The following CACNA2D3 variants were observed in gnomAD, a reference collection of about 807,000 sequenced individuals.
CACNA2D3 encodes calcium voltage-gated channel auxiliary subunit alpha2delta 3.
Under a neutral mutation model 160.6 loss-of-function variants are expected in CACNA2D3, and 60 were observed. That is an observed-to-expected ratio of 0.37 (90% CI 0.30 to 0.46). CACNA2D3 has a LOEUF of 0.46. CACNA2D3 is among the 20% of genes least tolerant of loss of function. The probability of loss-of-function intolerance (pLI) is 1.00; values close to 1 mark genes in which losing one functional copy is unlikely to be tolerated. For missense variants in CACNA2D3, 1,205 were observed against 1,365.0 expected (o/e 0.88, Z 1.85); for synonymous variants, 558 against 492.9 (o/e 1.13, Z -1.75).
chr3:54,271,486 T>C (rs1435771235), intron 2 of CACNA2D3, among the ~76,000 whole-genome samples: 1 of 152,216 alleles, frequency 6.6e-6, no homozygotes, highest in Non-Finnish European at 1.5e-5. Flanking sequence ...TGATAAATTA[T>C]CATCTTCTTT....
chr3:54,777,727 G>A (rs1470670613), intron 13 of CACNA2D3, among the ~76,000 whole-genome samples: 1 of 152,128 alleles, frequency 6.6e-6, no homozygotes, highest in African/African-American at 2.4e-5. Flanking sequence ...AGGAGCAGTT[G>A]TTTCCATGGA....
At chr3:55,041,946 T>C (rs1448758784) in intron 35 of CACNA2D3, among the ~76,000 whole-genome samples, 2 of 152,134 alleles carry the variant, frequency 1.3e-5, no homozygotes, top group Non-Finnish European at 2.9e-5. Context: ...TTTCTAATTA[T>C]TTTTAAAGAA....
chr3:54,485,150 A>G (rs574600558), intron 4 of CACNA2D3, among the ~76,000 whole-genome samples: 3 of 152,230 alleles, frequency 2.0e-5, no homozygotes, highest in Non-Finnish European at 2.9e-5. Flanking sequence ...CAGCTCACCT[A>G]GGTAGATAAT....
At chr3:54,697,029 CA>C (rs1700678557) in intron 11 of CACNA2D3, among the ~76,000 whole-genome samples, 1 of 152,162 alleles carries the variant, frequency 6.6e-6, no homozygotes, top group African/African-American at 2.4e-5. Flanking sequence ...GTAATCCCAG[CA>C]CTTTGGGAGG....
intron 2 of CACNA2D3, among the ~76,000 whole-genome samples, chr3:54,203,754 C>T (rs909725344): frequency 2.6e-5 from 4 of 152,064 alleles, no homozygotes; most frequent in Non-Finnish European, 4.4e-5. Context: ...GTTCTGCCGA[C>T]GTGCTTCCTC....
intron 35 of CACNA2D3, among the ~76,000 whole-genome samples, chr3:55,041,582 A>G (rs1703961553): frequency 6.6e-6 from 1 of 152,038 alleles, no homozygotes; most frequent in African/African-American, 2.4e-5. Context: ...GTTGCAAATG[A>G]TTTTCTAAAG....
At chr3:54,924,772 G>A (rs755219715) in intron 27 of CACNA2D3, 2 of 1,614,128 alleles carry the variant, frequency 1.2e-6, no homozygotes, top group East Asian at 2.2e-5. Flanking sequence ...TGAACCGCAA[G>A]TATAGTTAGG....
intron 35 of CACNA2D3, among the ~76,000 whole-genome samples, chr3:55,034,920 C>G (rs574915789): frequency 3.0e-4 from 46 of 152,222 alleles, no homozygotes; most frequent in Admixed American, 3.9e-4. Context: ...TGGAACCATT[C>G]TTTATTAAGA....
intron 9 of CACNA2D3, chr3:54,626,504 A>G: frequency 6.2e-7 from 1 of 1,608,136 alleles, no homozygotes; most frequent in Non-Finnish European, 8.5e-7. Context: ...GGCGTCTACA[A>G]CGGCAAGACC....
At chr3:54,730,802 C>T (rs759461132) in intron 11 of CACNA2D3, among the ~76,000 whole-genome samples, 25 of 152,236 alleles carry the variant, frequency 1.6e-4, no homozygotes, top group African/African-American at 4.8e-4. Flanking sequence ...TGTGCCCGCC[C>T]GAAACAGAAT....
intron 17 of CACNA2D3, among the ~76,000 whole-genome samples, chr3:54,870,063 G>A (rs1699490481): frequency 6.6e-6 from 1 of 152,144 alleles, no homozygotes; most frequent in Non-Finnish European, 1.5e-5. Context: ...CCTAGGTAGT[G>A]GTGAGGAGGG....
rs148245325 is a variant in CACNA2D3, at chr3:54,813,625, A to C, written c.1381-3228A>C. On this transcript the variant is annotated intron_variant, in intron 13 of 37. Coordinates refer to ENST00000474759, the MANE Select transcript of CACNA2D3 (RefSeq NM_018398.3). ...CATCAACTCTGGGCATATCCTAGTAATAAGGTAGCTTATTTAACAAGGGAA... is the reference window on the plus strand; with the variant it reads ...CATCAACTCTGGGCATATCCTAGTACTAAGGTAGCTTATTTAACAAGGGAA... Among the ~76,000 whole-genome samples, 233 of 152,244 alleles carry C rather than the reference A, an allele frequency of 1.5e-3. 1 individual carries two copies. Among genetic ancestry groups the C allele is most frequent in the African/African-American group, 5.2e-3 (215 of 41,554 alleles).
intron 2 of CACNA2D3, among the ~76,000 whole-genome samples, chr3:54,184,750 T>G (rs1029508940): frequency 2.6e-5 from 4 of 152,264 alleles, no homozygotes; most frequent in African/African-American, 9.6e-5. Flanking sequence ...GTTTTTTCTT[T>G]GATTCAGAGT....
chr3:55,031,825 G>C (rs1703695700), intron 35 of CACNA2D3, among the ~76,000 whole-genome samples: 1 of 152,132 alleles, frequency 6.6e-6, no homozygotes. Context: ...AATAATTAGA[G>C]GTGTAGATGA....
At chr3:54,903,582 A>G (rs1700388188) in intron 27 of CACNA2D3, among the ~76,000 whole-genome samples, 1 of 152,178 alleles carries the variant, frequency 6.6e-6, no homozygotes, top group Admixed American at 6.6e-5. Flanking sequence ...CAGAAATGGG[A>G]TTGCTGAGTA....
intron 35 of CACNA2D3, among the ~76,000 whole-genome samples, chr3:55,066,791 A>G (rs973595868): frequency 1.3e-5 from 2 of 152,066 alleles, no homozygotes; most frequent in Non-Finnish European, 1.5e-5. Flanking sequence ...ATTTTGACCT[A>G]TCCCTGCTTA....
At chr3:54,725,721 GC>G (rs1438841516) in intron 11 of CACNA2D3, among the ~76,000 whole-genome samples, 2 of 152,122 alleles carry the variant, frequency 1.3e-5, no homozygotes, top group African/African-American at 4.8e-5. Flanking sequence ...ACCCCTTCAT[GC>G]CCAAAGCTCT....
At chr3:54,504,665 C>G (rs1701341505) in intron 5 of CACNA2D3, among the ~76,000 whole-genome samples, 1 of 152,100 alleles carries the variant, frequency 6.6e-6, no homozygotes, top group Non-Finnish European at 1.5e-5. Context: ...ACATTGTCTC[C>G]CATCAAGGTT....
chr3:54,586,276 A>AAAG (rs914873523), intron 9 of CACNA2D3, among the ~76,000 whole-genome samples: 1 of 151,820 alleles, frequency 6.6e-6, no homozygotes, highest in African/African-American at 2.4e-5. Flanking sequence ...AAAAAAAAAA[A>AAAG]AAAAGAAACT....
Sources: gnomAD v4.1 joint callset for allele counts (sites outside exome capture counted in the v4.1 genomes callset) on GRCh38, gnomAD v4.1.1 for gene constraint, MANE v1.5 for transcripts, NCBI Gene and HGNC (gene_info 2026-07-23, HGNC 2026-07-21) for gene names.